Variants in VWF observed in about 807,000 individuals in gnomAD.
The protein encoded by VWF is Factor VIII related antigen.
Under a neutral mutation model 308.6 loss-of-function variants are expected in VWF, and 176 were observed. That is an observed-to-expected ratio of 0.57 (90% CI 0.50 to 0.65). The LOEUF (loss-of-function observed/expected upper bound fraction) is 0.65. VWF is among the 30% of genes least tolerant of loss of function. The probability of loss-of-function intolerance (pLI) is 0.00; values close to 1 mark genes in which losing one functional copy is unlikely to be tolerated. For missense variants in VWF, 3,146 were observed against 3,648.2 expected, an observed-to-expected ratio of 0.86 and a Z score of 3.55; for synonymous variants, 1,385 against 1,443.4, an observed-to-expected ratio of 0.96 and a Z score of 0.92.
rs745706564 is a variant in VWF, at chr12:6,075,291, C to T, written c.874+44G>A. The T allele has an allele frequency of 5.6e-6, 9 of 1,612,160 alleles. No individual in the cohort carries two copies. The East Asian group carries it at 1.3e-4, about 24-fold the overall frequency. ...CTAAGGGACACCACCCAGGACAGAC[C>T]GTTCATCCCCGGCAGGGCAGGACGG... On this transcript the variant is annotated intron_variant, in intron 7 of 51. Transcript: ENST00000261405. The surrounding 1 kb of genome is among the most constrained non-coding windows in gnomAD (Gnocchi z 4.7).
intron 3 of VWF, among the ~76,000 whole-genome samples, chr12:6,117,627 CCAA>C (rs1945382557): frequency 6.6e-6 from 1 of 152,162 alleles, no homozygotes; most frequent in Non-Finnish European, 1.5e-5. Flanking sequence ...ACCAGCCTGA[CCAA>C]CATGGAGAAA....
At chr12:6,010,461 G>C (rs902696037) in intron 34 of VWF, among the ~76,000 whole-genome samples, 4 of 152,132 alleles carry the variant, frequency 2.6e-5, no homozygotes, top group Non-Finnish European at 5.9e-5. Context: ...ATGTCTAAGG[G>C]GAACTTCATA....
Position 6,046,841 on chromosome 12 carries a change from G to C in VWF, c.2187-24C>G. 1 of 1,608,124 alleles carries C rather than the reference G, an allele frequency of 6.2e-7. No homozygotes were observed. The highest frequency in any genetic ancestry group is 8.5e-7 in the Non-Finnish European group (1 of 1,175,720). ...AGCTGCAGAGAAGAAAATCATAGCC[G>C]AGCTTCACGAGACTCGTCTATACTC... On this transcript the variant is annotated intron_variant, in intron 16 of 51. Coordinates refer to ENST00000261405, the MANE Select transcript of VWF (RefSeq NM_000552.5). The surrounding 1 kb of genome is among the most constrained non-coding windows in gnomAD (Gnocchi z 5.0).
chr12:6,087,942 G>A (rs892477641), intron 6 of VWF, among the ~76,000 whole-genome samples: 3 of 152,172 alleles, frequency 2.0e-5, no homozygotes, highest in Admixed American at 2.0e-4. Context: ...GAGACTGATC[G>A]CCTTGAGGAG....
rs759060671 is a variant in VWF at position 6,123,215 on chromosome 12, C to A, written c.1-19G>T. The A allele has an allele frequency of 3.1e-6, 5 of 1,614,182 alleles. No individual in the cohort carries two copies. The highest frequency in any genetic ancestry group is 3.3e-4 in the Middle Eastern group (2 of 6,062). The stretch of plus-strand genomic sequence containing the variant: ...GAATCATCTGCAAAGAAGCAAGAGA[C>A]GTGAGCTGGTCATTGCTGCCCAGGT... On this transcript the variant is annotated intron_variant, in intron 1 of 51. Transcript: ENST00000261405.
At position 6,108,334 on chromosome 12, in the gene VWF, T is replaced by TATACAC. The variant is rs374693235; in HGVS notation, c.532+2039_532+2040insGTGTAT. ...AGAAAGAAAGAAAGAAAGAAATATATACACACACACACACACACACACACA... is the reference window on the plus strand; with the variant it reads ...AGAAAGAAAGAAAGAAAGAAATATATATACACACACACACACACACACACACACACA... On this transcript the variant is annotated intron_variant, in intron 5 of 51. Coordinates refer to ENST00000261405, the MANE Select transcript of VWF (RefSeq NM_000552.5). 1.1e-3 allele frequency among the ~76,000 whole-genome samples: 134 copies of TATACAC among 124,188 alleles called. 1 individual carries two copies. Among genetic ancestry groups the TATACAC allele is most frequent in the Middle Eastern group, 4.4e-3 (1 of 226 alleles). 81.5% of individuals were successfully genotyped at this position (124,188 alleles called of 152,430 possible). A position where few individuals can be genotyped will look rare whatever the true frequency, so the allele number is the denominator to read the frequency against.
At chr12:6,037,900 G>A (rs1281637542) in intron 18 of VWF, among the ~76,000 whole-genome samples, 2 of 152,214 alleles carry the variant, frequency 1.3e-5, no homozygotes, top group Non-Finnish European at 2.9e-5. Context: ...GAGCATGTGT[G>A]TGTTGGGGCG....
chr12:5,958,520 T>C (rs1448149229), intron 47 of VWF, among the ~76,000 whole-genome samples: 1 of 152,046 alleles, frequency 6.6e-6, no homozygotes, highest in African/African-American at 2.4e-5. Flanking sequence ...AAACCCCATC[T>C]CTACAAAAAA....
At position 6,018,579 on chromosome 12, in the gene VWF, A is replaced by T. The variant is rs1488329994; in HGVS notation, c.4839T>A (p.Ser1613=). The T allele has an allele frequency of 6.2e-7, 1 of 1,614,022 alleles. No individual in the cohort carries two copies. Among genetic ancestry groups the T allele is most frequent in the Admixed American group, 1.7e-5 (1 of 60,010 alleles). Reference sequence around the variant, plus strand: ...CTCCAGGCAGCCTCTTGATCTCATCAGAGGCAGGATTTCCGGTGACCATGT... The same window carrying T: ...CTCCAGGCAGCCTCTTGATCTCATCTGAGGCAGGATTTCCGGTGACCATGT... The part of the protein sequence containing the change: ...LVYMVTGNPA[S]DEIKRLPGDI... The change falls in exon 28 of 52, where the codon TCT becomes TCA. Residue 1613 remains serine (S), a synonymous_variant. Transcript: ENST00000261405.
Position 6,056,809 on chromosome 12 carries a change from C to T in VWF, c.1945+48G>A, listed in dbSNP as rs73264986. 27,067 of 1,324,114 alleles carry T rather than the reference C, an allele frequency of 0.02. 1,745 individuals carry two copies. In the African/African-American group the frequency reaches 0.22, roughly 11 times the overall value. 82.0% of individuals were successfully genotyped at this position (1,324,114 alleles called of 1,614,324 possible). On this transcript the variant is annotated intron_variant, in intron 15 of 51. Transcript: ENST00000261405. ...AAGGGCTTCGAAAAGCACACGTGGA[C>T]GGATTTGGGGGGCGGCCCGGAGGGC...
chr12:6,040,184 G>C lies in VWF; in HGVS notation c.2443-3693C>G, dbSNP rs141618081. Among the ~76,000 whole-genome samples the C allele has an allele frequency of 3.1e-3, 465 of 152,302 alleles. 3 individuals are homozygous for C. The highest frequency in any genetic ancestry group is 0.011 in the African/African-American group (441 of 41,570). On this transcript the variant is annotated intron_variant, in intron 18 of 51. Coordinates refer to ENST00000261405, the MANE Select transcript of VWF (RefSeq NM_000552.5). ...TCAGGAAGGGTGAGCAGGGCAGTGA[G>C]TTGTGCTTTGCTGTCACCTAGTGGT...
At chr12:5,983,069 A>C in intron 41 of VWF, 81 bp downstream of exon 41, 4 of 1,372,376 alleles carry the variant, frequency 2.9e-6, no homozygotes, top group Non-Finnish European at 4.1e-6. Flanking sequence ...GTGATCTTGG[A>C]AGAGGTCCCT....
At chr12:6,106,426 A>T (rs2136516100) in intron 5 of VWF, among the ~76,000 whole-genome samples, 1 of 152,350 alleles carries the variant, frequency 6.6e-6, no homozygotes, top group Middle Eastern at 3.4e-3. Flanking sequence ...GGTTTCCAGG[A>T]GCCCAGAGGG....
intron 10 of VWF, among the ~76,000 whole-genome samples, chr12:6,066,785 C>A (rs537060269): frequency 1.8e-4 from 27 of 152,370 alleles, no homozygotes; most frequent in African/African-American, 5.3e-4. Flanking sequence ...GCTCCACAGG[C>A]CCTCACTGTC....
chr12:6,082,018 G>A (rs1944917397), intron 6 of VWF, among the ~76,000 whole-genome samples: 2 of 151,928 alleles, frequency 1.3e-5, no homozygotes, highest in South Asian at 4.1e-4. Flanking sequence ...CCAGGCTGGA[G>A]TGCAGTGGCA....
chr12:6,027,187 G>A lies in VWF; in HGVS notation c.2968-1141C>T, dbSNP rs527941929. On this transcript the variant is annotated intron_variant, in intron 22 of 51. Transcript: ENST00000261405. ...ATGGCTACTGCCCCTCCCTGCCCTC[G>A]TGAACTACCATTACCCCCAAGTCCC... Among the ~76,000 whole-genome samples the A allele has an allele frequency of 9.1e-4, 138 of 152,028 alleles. 1 individual carries two copies. Among genetic ancestry groups the A allele is most frequent in the African/African-American group, 2.8e-3 (118 of 41,456 alleles).
chr12:5,998,485 AAAAAAAAAAAAAAATATATATATATATAT>A (rs1163621772), intron 34 of VWF, among the ~76,000 whole-genome samples: 4 of 60,332 alleles, frequency 6.6e-5, no homozygotes, highest in African/African-American at 3.2e-4. Context: ...AAAAAAAAAA[AAAAAAAAAAAAAAATATATATATATATAT>A]ATATATATAT....
intron 18 of VWF, among the ~76,000 whole-genome samples, chr12:6,043,847 G>A (rs1459517866): frequency 1.3e-5 from 2 of 152,182 alleles, no homozygotes; most frequent in African/African-American, 2.4e-5. Context: ...CTAGTGACAC[G>A]GCAGGGCCAT....
intron 3 of VWF, among the ~76,000 whole-genome samples, chr12:6,118,713 C>T (rs929060694): frequency 2.0e-5 from 3 of 152,122 alleles, no homozygotes; most frequent in Non-Finnish European, 2.9e-5. Context: ...TCACTTCTAA[C>T]CCTCCATTCC....
Sources: allele counts gnomAD v4.1 joint callset (sites outside exome capture counted in the v4.1 genomes callset), GRCh38; gene constraint gnomAD v4.1.1; non-coding constraint Gnocchi (gnomAD v3.1); transcripts MANE v1.5; gene names NCBI Gene and HGNC (gene_info 2026-07-23, HGNC 2026-07-21).